Variants in EZR observed in about 807,000 individuals in gnomAD.
EZR encodes ezrin.
A neutral mutation model predicts 74.8 loss-of-function variants in EZR; 40 were observed. That is an observed-to-expected ratio of 0.53 (90% CI 0.42 to 0.70). The LOEUF is 0.70. EZR is among the 30% of genes least tolerant of loss of function. EZR has a pLI of 0.00. For synonymous variants in EZR, 341 were observed against 283.3 expected (o/e 1.20, Z -2.05); for missense variants, 678 against 755.8 (o/e 0.90, Z 1.21).
intron 2 of EZR, among the ~76,000 whole-genome samples, chr6:158,806,178 G>A (rs888528827): frequency 1.3e-5 from 2 of 152,156 alleles, no homozygotes; most frequent in Non-Finnish European, 1.5e-5. Flanking sequence ...CCCGGGTGGG[G>A]CCATTTGATG....
At chr6:158,789,243 GT>G (rs750313410) in intron 3 of EZR, 44 bp downstream of exon 3, 169 of 1,434,756 alleles carry the variant, frequency 1.2e-4, no homozygotes, top group African/African-American at 1.6e-4. Context: ...TTGCAAAACA[GT>G]TTTTTTTTGT....
In EZR at chr6:158,798,668, G is replaced by A. The variant is rs1777127070; in HGVS notation, c.13-9297C>T. ...TTTTTGAGAAAGGGTCTCTCGCTCT[G>A]TTGCCCAGGCTGGAGTGCAGTGGCG... On this transcript the variant is annotated intron_variant, in intron 2 of 13. Coordinates refer to ENST00000367075, the MANE Select transcript of EZR (RefSeq NM_001111077.2). Among the ~76,000 whole-genome samples, 8 of 130,658 alleles carry A rather than the reference G, an allele frequency of 6.1e-5. No individual in the cohort carries two copies. In the South Asian group the frequency reaches 1.9e-3, roughly 32 times the overall value. The allele number at this position is 130,658 out of a possible 152,430, so 85.7% of individuals were successfully genotyped here.
intron 2 of EZR, among the ~76,000 whole-genome samples, chr6:158,798,592 G>T (rs986434705): frequency 6.7e-6 from 1 of 149,236 alleles, no homozygotes. Context: ...GACCTCCCTC[G>T]ATGGAAAAGG....
intron 6 of EZR, among the ~76,000 whole-genome samples, chr6:158,784,148 C>G (rs1791502905): frequency 6.6e-6 from 1 of 152,160 alleles, no homozygotes; most frequent in African/African-American, 2.4e-5. Context: ...AAGACTAGGC[C>G]AGAGACAAGG....
At chr6:158,799,537 G>T (rs1399882651) in intron 2 of EZR, among the ~76,000 whole-genome samples, 1 of 152,208 alleles carries the variant, frequency 6.6e-6, no homozygotes, top group Non-Finnish European at 1.5e-5. Context: ...CACAACAGAT[G>T]GACTCACATA....
At chr6:158,776,258 G>T in intron 8 of EZR, 150 bp downstream of exon 8, 1 of 690,568 alleles carries the variant, frequency 1.4e-6, no homozygotes, top group South Asian at 1.7e-5. Flanking sequence ...TGCAGCAATT[G>T]CCTGGCCCAC....
chr6:158,768,137 G>A (rs1211473195), intron 12 of EZR, among the ~76,000 whole-genome samples: 2 of 151,990 alleles, frequency 1.3e-5, no homozygotes, highest in Non-Finnish European at 2.9e-5. Flanking sequence ...GGAGGTGACT[G>A]GATTACGGGG....
chr6:158,779,222 C>T (rs1791361616), intron 7 of EZR, among the ~76,000 whole-genome samples: 1 of 152,124 alleles, frequency 6.6e-6, no homozygotes, highest in Non-Finnish European at 1.5e-5. Flanking sequence ...AATGAGAAAA[C>T]ACCAGACAAT....
intron 2 of EZR, among the ~76,000 whole-genome samples, chr6:158,808,728 G>A (rs550132003): frequency 6.6e-6 from 1 of 152,262 alleles, no homozygotes; most frequent in African/African-American, 2.4e-5. Context: ...TTACCCACTA[G>A]GAGGCAGGTA....
At chr6:158,818,341 G>T (rs1777610330) in intron 1 of EZR, 175 bp from the exon 2 acceptor site, 1 of 228,948 alleles carries the variant, frequency 4.4e-6, no homozygotes, top group African/African-American at 2.3e-5. Context: ...GGCGGGGCGG[G>T]GCCGGGCCGG....
intron 2 of EZR, among the ~76,000 whole-genome samples, chr6:158,804,592 A>C (rs1777288235): frequency 6.6e-6 from 1 of 152,200 alleles, no homozygotes; most frequent in African/African-American, 2.4e-5. Context: ...CATAAACAAA[A>C]GTAAGGGACA....
intron 2 of EZR, among the ~76,000 whole-genome samples, chr6:158,803,624 T>TATATATATATATATATATATATAC (rs1562504673): frequency 3.2e-5 from 1 of 30,920 alleles, no homozygotes; most frequent in Non-Finnish European, 8.0e-5. Flanking sequence ...TATATATATA[T>TATATATATATATATATATATATAC]ACATATACAT....
intron 2 of EZR, 93 bp from the exon 3 acceptor site, chr6:158,789,464 G>A: frequency 8.8e-7 from 1 of 1,135,362 alleles, no homozygotes; most frequent in Non-Finnish European, 1.3e-6. Context: ...TCCTCAGTGT[G>A]GCGACGGCAT....
intron 2 of EZR, among the ~76,000 whole-genome samples, chr6:158,809,542 A>T (rs2128576523): frequency 6.6e-6 from 1 of 152,306 alleles, no homozygotes; most frequent in Middle Eastern, 3.4e-3. Context: ...CCTCAGCACC[A>T]CGATGCCTCT....
chr6:158,807,314 C>CA (rs56041297), intron 2 of EZR, among the ~76,000 whole-genome samples: 2,802 of 136,092 alleles, frequency 0.021, 79 homozygotes, highest in East Asian at 0.16. Flanking sequence ...GACTCCGTCT[C>CA]AAAAAAAAAA....
chr6:158,768,943 C>A (rs1301624636), intron 12 of EZR, among the ~76,000 whole-genome samples: 1 of 152,164 alleles, frequency 6.6e-6, no homozygotes, highest in African/African-American at 2.4e-5. Flanking sequence ...GGTCGTGTTT[C>A]AGGCACTGCG....
chr6:158,795,519 A>G (rs1341222098), intron 2 of EZR, among the ~76,000 whole-genome samples: 2 of 152,206 alleles, frequency 1.3e-5, no homozygotes, highest in South Asian at 4.1e-4. Context: ...CTAATGTTCC[A>G]TGGCCACAGA....
chr6:158,817,757 T>A (rs1777590191), intron 2 of EZR, among the ~76,000 whole-genome samples: 1 of 152,252 alleles, frequency 6.6e-6, no homozygotes, highest in South Asian at 2.1e-4. Flanking sequence ...TTTAAGAAAC[T>A]TCTAAGTTGT....
intron 1 of EZR, among the ~76,000 whole-genome samples, chr6:158,818,395 G>C (rs913793842): frequency 9.9e-5 from 15 of 151,428 alleles, no homozygotes; most frequent in Admixed American, 9.2e-4. Context: ...GCGCGCCCAA[G>C]GGGCAGCCGG....
Sources: gnomAD v4.1 joint callset for allele counts (sites outside exome capture counted in the v4.1 genomes callset) on GRCh38, gnomAD v4.1.1 for gene constraint, MANE v1.5 for transcripts, NCBI Gene and HGNC (gene_info 2026-07-23, HGNC 2026-07-21) for gene names.